TULP4: variants seen among roughly 807,000 people sequenced by gnomAD.
The protein encoded by TULP4 is TUB like protein 4.
In TULP4, 16 loss-of-function variants were observed where a neutral mutation model predicts 129.0. That is an observed-to-expected ratio of 0.12 (90% CI 0.08 to 0.19). TULP4 has a LOEUF of 0.19. Among genes scored for constraint, TULP4 ranks in the 10% least tolerant of loss-of-function variants. The pLI, the probability that TULP4 is intolerant of heterozygous loss-of-function variation, is 1.00. For synonymous variants in TULP4, 998 were observed against 854.0 expected (o/e 1.17, Z -2.94); for missense variants, 1,842 against 2,059.1 (o/e 0.89, Z 2.04).
intron 1 of TULP4, among the ~76,000 whole-genome samples, chr6:158,368,066 C>CAAATAAAAAAAAAA (rs1776973678): frequency 1.5e-5 from 1 of 65,010 alleles, no homozygotes; most frequent in Admixed American, 2.0e-4. Flanking sequence ...ACCCTGTCTC[C>CAAATAAAAAAAAAA]AAAAAAAAAA....
chr6:158,429,651 C>CT, intron 2 of TULP4, 85 bp from the exon 3 acceptor site: 1 of 1,431,046 alleles, frequency 7.0e-7, no homozygotes, highest in Non-Finnish European at 9.4e-7. Flanking sequence ...AGCCAAAAGT[C>CT]TAAGTTAATG....
intron 1 of TULP4, among the ~76,000 whole-genome samples, chr6:158,253,457 G>C (rs1359452732): frequency 6.6e-6 from 1 of 152,168 alleles, no homozygotes; most frequent in African/African-American, 2.4e-5. Flanking sequence ...GGCGGGCAGG[G>C]AATTAGGCAG....
chr6:158,479,964 C>T lies in TULP4; in HGVS notation c.1240C>T (p.Pro414Ser), dbSNP rs749219648. The T allele has an allele frequency of 8.1e-6, 13 of 1,605,828 alleles. No individual in the cohort carries two copies. Among genetic ancestry groups the T allele is most frequent in the African/African-American group, 1.3e-5 (1 of 74,880 alleles). ...LCSYLSTAFI[P>S]TIKPPIPDPN... is the part of the protein sequence containing the mutation. ...CTCCTACCTCTCCACTGCCTTCATC[C>T]CCACCATCAAGGTAAAGCCCTCCAC... is the stretch of plus-strand genomic sequence containing the variant. The change falls in exon 7 of 14, where the codon CCC (proline) becomes TCC (serine). Residue 414 changes from proline (P) to serine (S), a missense_variant. Transcript: ENST00000367097.
At chr6:158,452,335 C>G (rs1779180571) in intron 5 of TULP4, 67 bp downstream of exon 5, 8 of 1,577,160 alleles carry the variant, frequency 5.1e-6, no homozygotes, top group Non-Finnish European at 5.2e-6. Context: ...CAAGGCCGGT[C>G]TTGTACACTC....
chr6:158,296,030 A>G (rs1400080497), intron 1 of TULP4, among the ~76,000 whole-genome samples: 1 of 152,204 alleles, frequency 6.6e-6, no homozygotes, highest in Non-Finnish European at 1.5e-5. Flanking sequence ...TCGTACCACC[A>G]ATGTATTCTC....
intron 1 of TULP4, among the ~76,000 whole-genome samples, chr6:158,336,293 T>C (rs186660923): frequency 5.3e-5 from 8 of 152,230 alleles, no homozygotes; most frequent in Non-Finnish European, 1.2e-4. Context: ...ACCTTCAAAT[T>C]GTAAAATGTC....
In TULP4 at chr6:158,399,460, G is replaced by A. The variant is rs9456298; in HGVS notation, c.253-13605G>A. Among the ~76,000 whole-genome samples, 418 of 152,290 alleles carry A rather than the reference G, an allele frequency of 2.7e-3. 6 individuals are homozygous for A. Among genetic ancestry groups the A allele is most frequent in the African/African-American group, 9.8e-3 (406 of 41,554 alleles). On this transcript the variant is annotated intron_variant, in intron 1 of 13. Coordinates refer to ENST00000367097, the MANE Select transcript of TULP4 (RefSeq NM_020245.5). The stretch of plus-strand genomic sequence containing the variant: ...TGCAGGTCCTGATTCACTGGAACTG[G>A]AGTAGAGCCTGAAGTTCTGCATTTT...
rs1359969661 is a variant in TULP4, at chr6:158,413,955, T to G, written c.381+762T>G. On this transcript the variant is annotated intron_variant, in intron 2 of 13. Coordinates refer to ENST00000367097, the MANE Select transcript of TULP4 (RefSeq NM_020245.5). This position sits in a 1 kb window ranked among gnomAD's most constrained non-coding sequence, Gnocchi z 4.9. ...GGACTATTTTAACTCTCAGAATGAT[T>G]TCCCTGTGGCTGCCTTTCTATACAC... Among the ~76,000 whole-genome samples, 2 of 152,222 alleles carry G rather than the reference T, an allele frequency of 1.3e-5. No individual in the cohort carries two copies. The highest frequency in any genetic ancestry group is 2.9e-5 in the Non-Finnish European group (2 of 68,032).
At chr6:158,434,864 C>T (rs1195929692) in intron 3 of TULP4, among the ~76,000 whole-genome samples, 2 of 152,188 alleles carry the variant, frequency 1.3e-5, no homozygotes, top group African/African-American at 2.4e-5. Context: ...TTTGAGACTC[C>T]AGTTTAAATG....
chr6:158,356,192 C>T (rs1372349157), intron 1 of TULP4, among the ~76,000 whole-genome samples: 3 of 152,088 alleles, frequency 2.0e-5, no homozygotes, highest in Non-Finnish European at 4.4e-5. Context: ...GTGTTTAAAT[C>T]GTGGCTGAAA....
intron 1 of TULP4, among the ~76,000 whole-genome samples, chr6:158,407,360 A>C (rs1380370820): frequency 6.6e-6 from 1 of 152,244 alleles, no homozygotes; most frequent in Non-Finnish European, 1.5e-5. Flanking sequence ...GAAGACAGGC[A>C]ATAGCAAGTA....
At chr6:158,265,390 A>G (rs1017842329) in intron 1 of TULP4, among the ~76,000 whole-genome samples, 3 of 152,134 alleles carry the variant, frequency 2.0e-5, no homozygotes, top group African/African-American at 7.2e-5. Context: ...TAGTGGCTAA[A>G]GAGGAAGTTG....
chr6:158,460,089 T>A (rs1779389860), intron 5 of TULP4, among the ~76,000 whole-genome samples: 1 of 152,218 alleles, frequency 6.6e-6, no homozygotes, highest in Non-Finnish European at 1.5e-5. Flanking sequence ...CAGCCCTTTG[T>A]CTCCCTACTT....
intron 6 of TULP4, among the ~76,000 whole-genome samples, chr6:158,471,211 A>G (rs1227076196): frequency 2.5e-5 from 3 of 121,816 alleles, no homozygotes; most frequent in African/African-American, 1.2e-4. Context: ...TGTCTTCTCA[A>G]TAAGCTAAAA....
chr6:158,506,343 T>C (rs562111314), intron 13 of TULP4, among the ~76,000 whole-genome samples: 3 of 144,260 alleles, frequency 2.1e-5, no homozygotes, highest in African/African-American at 7.7e-5. Flanking sequence ...ACCATTCTCC[T>C]GCCTCAGCCT....
chr6:158,505,479 A>G (rs1216495852), intron 13 of TULP4, among the ~76,000 whole-genome samples: 2 of 152,234 alleles, frequency 1.3e-5, no homozygotes, highest in Non-Finnish European at 2.9e-5. Flanking sequence ...AGTTGTGGTA[A>G]AAACCGTGTG....
At chr6:158,475,390 A>C (rs1779794490) in intron 6 of TULP4, among the ~76,000 whole-genome samples, 1 of 152,262 alleles carries the variant, frequency 6.6e-6, no homozygotes, top group Admixed American at 6.5e-5. Context: ...TTAGACGTGT[A>C]AAATATGTGA....
intron 6 of TULP4, among the ~76,000 whole-genome samples, chr6:158,462,702 A>G (rs542250323): frequency 6.7e-6 from 1 of 149,416 alleles, no homozygotes; most frequent in East Asian, 2.0e-4. Context: ...AATTTCTCTT[A>G]CAAAAGGGTA....
chr6:158,397,045 TAAG>T (rs1777734021), intron 1 of TULP4, among the ~76,000 whole-genome samples: 2 of 152,138 alleles, frequency 1.3e-5, no homozygotes, highest in African/African-American at 4.8e-5. Flanking sequence ...TTTTCAATAG[TAAG>T]GTGAATTTTA....
Sources: gnomAD v4.1 joint callset for allele counts (sites outside exome capture counted in the v4.1 genomes callset) on GRCh38, gnomAD v4.1.1 for gene constraint, Gnocchi (gnomAD v3.1) non-coding constraint, MANE v1.5 for transcripts, NCBI Gene and HGNC (gene_info 2026-07-23, HGNC 2026-07-21) for gene names.